The following CAPSL variants were observed in gnomAD, a reference collection of about 807,000 sequenced individuals.
CAPSL encodes calcyphosine like, also known as calcyphosin-like protein.
A neutral mutation model predicts 21.3 loss-of-function variants in CAPSL; 17 were observed. The observed-to-expected ratio is 0.80, with a 90% CI of 0.55 to 1.20. CAPSL has a LOEUF of 1.20. Among genes scored for constraint, CAPSL ranks in the 50% most tolerant of loss-of-function variants. The pLI is 0.00. For synonymous variants in CAPSL, 102 were observed against 89.3 expected, an observed-to-expected ratio of 1.14 and a Z score of -0.80; for missense variants, 289 against 259.3, an observed-to-expected ratio of 1.11 and a Z score of -0.79.
intron 2 of CAPSL, among the ~76,000 whole-genome samples, chr5:35,915,878 G>A (rs1201687166): frequency 6.6e-6 from 1 of 152,162 alleles, no homozygotes; most frequent in African/African-American, 2.4e-5. Context: ...TCAGACAGGA[G>A]CAGGAAACAA....
At chr5:35,920,559 T>G (rs1342250341) in intron 2 of CAPSL, among the ~76,000 whole-genome samples, 3 of 152,214 alleles carry the variant, frequency 2.0e-5, no homozygotes, top group Non-Finnish European at 4.4e-5. Context: ...CCAGTGTCCC[T>G]GGAAGTGATG....
In CAPSL at chr5:35,909,836, A is replaced by G. The variant is rs1209582910; in HGVS notation, c.525+30T>C. ...CCATTTACAATTTCGAATTGAAGAA[A>G]TTTCCCCTAGATTAGGCTCTTTTAC... is the stretch of plus-strand genomic sequence containing the variant. On this transcript the variant is annotated intron_variant, in intron 4 of 4. Transcript: ENST00000651391. 1.9e-6 allele frequency: 3 copies of G among 1,565,038 alleles called. No homozygotes were observed. The East Asian group carries it at 6.7e-5, about 35-fold the overall frequency.
chr5:35,921,801 A>T (rs1158182175), intron 1 of CAPSL, among the ~76,000 whole-genome samples: 2 of 152,068 alleles, frequency 1.3e-5, no homozygotes, highest in South Asian at 2.1e-4. Context: ...TGACTCTTCA[A>T]TCCCCACCCC....
At chr5:35,906,850 G>A (rs906415504) in intron 4 of CAPSL, among the ~76,000 whole-genome samples, 2 of 152,178 alleles carry the variant, frequency 1.3e-5, no homozygotes, top group African/African-American at 2.4e-5. Flanking sequence ...GATAAAGGAA[G>A]CATTAAACCT....
chr5:35,919,170 A>ATAT lies in CAPSL; in HGVS notation c.137+1813_137+1814insATA, dbSNP rs1554069748. ...AGTATCTTTCCTGATTAAAAAAAAA[A>ATAT]ATATATATATATATATATATAAAAA... On this transcript the variant is annotated intron_variant, in intron 2 of 4. Coordinates refer to ENST00000651391, the MANE Select transcript of CAPSL (RefSeq NM_001042625.2). 8.6e-3 allele frequency among the ~76,000 whole-genome samples: 1,047 copies of ATAT among 121,260 alleles called. 15 individuals carry two copies. The highest frequency in any genetic ancestry group is 0.028 in the African/African-American group (934 of 33,838). The allele number at this position is 121,260 out of a possible 152,430, so 79.6% of individuals were successfully genotyped here.
At chr5:35,936,297 C>A (rs1434015905) in intron 1 of CAPSL, among the ~76,000 whole-genome samples, 2 of 152,086 alleles carry the variant, frequency 1.3e-5, no homozygotes, top group Non-Finnish European at 2.9e-5. Context: ...AGAGGCCTAC[C>A]CCTCTAAGAT....
In CAPSL at chr5:35,909,927, T is replaced by A. The variant is rs773704168; in HGVS notation, c.464A>T (p.Glu155Val). 1.2e-6 allele frequency: 2 copies of A among 1,613,890 alleles called. No individual in the cohort carries two copies. Among genetic ancestry groups the A allele is most frequent in the South Asian group, 2.2e-5 (2 of 90,994 alleles). The change falls in exon 4 of 5, where the codon GAG becomes GTG. Residue 155 changes from glutamate (E) to valine (V), a missense_variant. Physicochemically the swap from Glu to Val is moderately radical, Grantham distance 121 (BLOSUM62 -2). Transcript: ENST00000651391. ...CAGAAATTTCCTAAATACTTGTTCC[T>A]CACTCCATTCCCCATTCTGGTACTT... ...HPKYQNGEWS[E>V]EQVFRKFLDN...
chr5:35,910,411 A>G lies in CAPSL; in HGVS notation c.270T>C (p.Asp90=). ...CATTGAAGTCTATTGTTCCATTTCCATCTTTATCAAACCTCCGGAAAAGTT... is the reference window on the plus strand; with the variant it reads ...CATTGAAGTCTATTGTTCCATTTCCGTCTTTATCAAACCTCCGGAAAAGTT... ...VEELFRRFDK[D]GNGTIDFNEF... Residue 90 remains aspartate, a synonymous_variant, in exon 3 of 5, where the codon GAT becomes GAC. Coordinates refer to ENST00000651391, the MANE Select transcript of CAPSL (RefSeq NM_001042625.2). The G allele has an allele frequency of 6.2e-7, 1 of 1,613,964 alleles. No homozygotes were observed. Among genetic ancestry groups the G allele is most frequent in the Non-Finnish European group, 8.5e-7 (1 of 1,179,910 alleles).
In CAPSL at chr5:35,914,613, G is replaced by A. The variant is rs548080975; in HGVS notation, c.138-4070C>T. On this transcript the variant is annotated intron_variant, in intron 2 of 4. Coordinates refer to ENST00000651391, the MANE Select transcript of CAPSL (RefSeq NM_001042625.2). ...ACAACCTGCTCCTGAATGACTACTG[G>A]GTACATAACGAAATGAAGGCAGAAA... Among the ~76,000 whole-genome samples the A allele has an allele frequency of 3.4e-3, 511 of 152,042 alleles. 1 individual carries two copies. The highest frequency in any genetic ancestry group is 4.7e-3 in the Non-Finnish European group (322 of 67,986).
chr5:35,907,405 G>C (rs2149915616), intron 4 of CAPSL, among the ~76,000 whole-genome samples: 1 of 152,256 alleles, frequency 6.6e-6, no homozygotes, highest in African/African-American at 2.4e-5. Flanking sequence ...TAAAAATATA[G>C]TGATGATAAA....
intron 2 of CAPSL, among the ~76,000 whole-genome samples, chr5:35,919,089 T>C (rs1738464554): frequency 6.6e-6 from 1 of 150,786 alleles, no homozygotes; most frequent in Non-Finnish European, 1.5e-5. Context: ...AAATGACTTT[T>C]GTTTTGTTTG....
intron 1 of CAPSL, among the ~76,000 whole-genome samples, chr5:35,926,032 C>T (rs141981469): frequency 0.044 from 6,601 of 148,778 alleles, 206 homozygotes; most frequent in Non-Finnish European, 0.066. Context: ...GCCAAGATCG[C>T]GCCACTGCAC....
At chr5:35,915,022 G>T (rs1318884111) in intron 2 of CAPSL, among the ~76,000 whole-genome samples, 1 of 152,066 alleles carries the variant, frequency 6.6e-6, no homozygotes, top group Non-Finnish European at 1.5e-5. Context: ...AAATGATAAA[G>T]GGGATATCAC....
At position 35,904,506 on chromosome 5, in the gene CAPSL, C is replaced by A. The variant is rs768424744; in HGVS notation, c.*39G>T. ...GAGCTGACATTTAGTCATTTGGAGC[C>A]ACATGGCTGTCCCAGGGCCTGGTCC... On this transcript the variant is annotated 3_prime_UTR_variant, in exon 5 of 5. Coordinates refer to ENST00000651391, the MANE Select transcript of CAPSL (RefSeq NM_001042625.2). 3.5e-6 allele frequency: 5 copies of A among 1,433,706 alleles called. No individual in the cohort carries two copies. Among genetic ancestry groups the A allele is most frequent in the Middle Eastern group, 1.8e-4 (1 of 5,606 alleles). The allele number at this position is 1,433,706 out of a possible 1,614,324, so 88.8% of individuals were successfully genotyped here.
chr5:35,928,882 C>A (rs1035755456), intron 1 of CAPSL, among the ~76,000 whole-genome samples: 1 of 152,166 alleles, frequency 6.6e-6, no homozygotes, highest in African/African-American at 2.4e-5. Context: ...ATGCCCACAG[C>A]ACTCACCAAG....
intron 1 of CAPSL, among the ~76,000 whole-genome samples, chr5:35,932,005 T>C (rs1250591700): frequency 6.6e-6 from 1 of 152,230 alleles, no homozygotes; most frequent in Non-Finnish European, 1.5e-5. Flanking sequence ...AATCACTTAG[T>C]AACTATCTTG....
chr5:35,937,374 G>A (rs6414881), intron 1 of CAPSL, among the ~76,000 whole-genome samples: 151,513 of 152,328 alleles, frequency 0.99, 75,357 homozygotes, highest in Middle Eastern at 1. Context: ...TTCTCCATCC[G>A]TTCAAAATCT....
At chr5:35,915,389 C>A (rs182439581) in intron 2 of CAPSL, among the ~76,000 whole-genome samples, 2 of 152,134 alleles carry the variant, frequency 1.3e-5, no homozygotes, top group Non-Finnish European at 2.9e-5. Flanking sequence ...ATACCACAGC[C>A]GGACAGAGAC....
intron 1 of CAPSL, among the ~76,000 whole-genome samples, chr5:35,936,807 C>T (rs1445782443): frequency 6.6e-6 from 1 of 152,158 alleles, no homozygotes; most frequent in Admixed American, 6.5e-5. Context: ...TCCCCTGATA[C>T]AATGATGACT....
Sources: allele counts gnomAD v4.1 joint callset (sites outside exome capture counted in the v4.1 genomes callset), GRCh38; gene constraint gnomAD v4.1.1; transcripts MANE v1.5; gene names NCBI Gene and HGNC (gene_info 2026-07-23, HGNC 2026-07-21).